The following ANKRD18B variants were observed in gnomAD, a reference collection of about 807,000 sequenced individuals.
The protein encoded by ANKRD18B is ankyrin repeat domain-containing protein 18B.
Under a neutral mutation model 111.8 loss-of-function variants are expected in ANKRD18B, and 75 were observed. That is an observed-to-expected ratio of 0.67 (90% CI 0.56 to 0.81). The LOEUF (loss-of-function observed/expected upper bound fraction) is 0.81, where lower values mean the gene tolerates loss of function less well. Ranked by LOEUF, ANKRD18B falls within the 40% of genes least tolerant of loss-of-function variation. ANKRD18B has a pLI of 0.00. For synonymous variants in ANKRD18B, 356 were observed against 417.3 expected, an observed-to-expected ratio of 0.85 and a Z score of 1.79; for missense variants, 1,038 against 1,225.5, an observed-to-expected ratio of 0.85 and a Z score of 2.28.
chr9:33,538,603 G>A (rs191030384), intron 6 of ANKRD18B, among the ~76,000 whole-genome samples: 1 of 152,010 alleles, frequency 6.6e-6, no homozygotes. Context: ...AGGCATGGGG[G>A]TGGGCACCTG....
intron 10 of ANKRD18B, among the ~76,000 whole-genome samples, chr9:33,544,539 T>A (rs1828327927): frequency 6.6e-6 from 1 of 152,120 alleles, no homozygotes; most frequent in Non-Finnish European, 1.5e-5. Flanking sequence ...CAGGACTTCC[T>A]TTAAAATTCA....
At chr9:33,530,464 C>T (rs1178115261) in intron 3 of ANKRD18B, among the ~76,000 whole-genome samples, 22 of 143,630 alleles carry the variant, frequency 1.5e-4, no homozygotes, top group South Asian at 4.5e-4. Flanking sequence ...CTGGCTAACA[C>T]GGTGAAACCC....
intron 3 of ANKRD18B, among the ~76,000 whole-genome samples, chr9:33,530,484 TA>T (rs940062617): frequency 2.1e-5 from 2 of 97,114 alleles, no homozygotes; most frequent in African/African-American, 8.2e-5. Flanking sequence ...CCGTCTCTAC[TA>T]AAAATACATA....
intron 14 of ANKRD18B, among the ~76,000 whole-genome samples, chr9:33,561,293 A>G (rs1828603088): frequency 6.6e-6 from 1 of 152,236 alleles, no homozygotes; most frequent in African/African-American, 2.4e-5. Context: ...GACTAATTAC[A>G]TTAAGCATCT....
intron 3 of ANKRD18B, among the ~76,000 whole-genome samples, chr9:33,532,365 G>C (rs1220195515): frequency 6.6e-6 from 1 of 151,986 alleles, no homozygotes; most frequent in Non-Finnish European, 1.5e-5. Context: ...TTTGCCTAAA[G>C]TAAAAAAATA....
intron 15 of ANKRD18B, 142 bp downstream of exon 15, chr9:33,566,642 C>G (rs41316001): frequency 7.2e-6 from 7 of 976,426 alleles, no homozygotes; most frequent in Non-Finnish European, 1.0e-5. Context: ...AAAAAAGTGA[C>G]GTTTTTTCCT....
Position 33,548,536 on chromosome 9 carries a change from A to G in ANKRD18B, c.1748A>G (p.Lys583Arg), listed in dbSNP as rs1303875742. Residue 583 changes from lysine (K) to arginine (R), a missense_variant, in exon 11 of 19, where the codon AAG becomes AGG. Lys to Arg is a conservative substitution (Grantham distance 26). Around this residue, in one of 4 missense-constraint regions of ANKRD18B, gnomAD observed 524 missense variants for 677.9 expected, o/e 0.77. Coordinates refer to ENST00000684830, the MANE Select transcript of ANKRD18B (RefSeq NM_001393611.1). ...TTAGAAAGTGTACAGCTGGACCTAAAGCAAGCGCAGCATCGAATAAAGGAA... is the reference window on the plus strand; with the variant it reads ...TTAGAAAGTGTACAGCTGGACCTAAGGCAAGCGCAGCATCGAATAAAGGAA... ...LALESVQLDL[K>R]QAQHRIKEMK... 7.7e-6 allele frequency: 12 copies of G among 1,550,918 alleles called. No homozygotes were observed. The highest frequency in any genetic ancestry group is 1.0e-5 in the Non-Finnish European group (12 of 1,146,586).
intron 9 of ANKRD18B, among the ~76,000 whole-genome samples, chr9:33,541,529 G>A (rs754462829): frequency 9.2e-5 from 14 of 152,114 alleles, no homozygotes; most frequent in Non-Finnish European, 1.6e-4. Context: ...GCCAGACCTC[G>A]TGACTATTTT....
chr9:33,570,064 G>A (rs913058344), intron 17 of ANKRD18B, among the ~76,000 whole-genome samples: 24 of 152,218 alleles, frequency 1.6e-4, no homozygotes, highest in African/African-American at 5.8e-4. Context: ...ACCCAAGGTA[G>A]ATTGAAAATC....
At position 33,572,369 on chromosome 9, in the gene ANKRD18B, G is replaced by A; in HGVS notation, c.3277G>A (p.Gly1093Ser). The change falls in exon 19 of 19, where the codon GGT becomes AGT. Residue 1093 changes from glycine (G) to serine (S), a missense_variant. Physicochemically the swap from Gly to Ser is moderately conservative, Grantham distance 56 (BLOSUM62 0). This residue lies in a region of ANKRD18B where 524 missense variants were observed against 677.9 expected (regional missense o/e 0.77). Coordinates refer to ENST00000684830, the MANE Select transcript of ANKRD18B (RefSeq NM_001393611.1). The part of the protein sequence containing the change: ...SYLLSSLEST[G>S]KPHLMKRIFN... ...TCTACTTTCTTCTCTAGAATCCACT[G>A]GTAAGCCACATCTAATGAAGAGAAT... The A allele has an allele frequency of 1.9e-6, 3 of 1,609,974 alleles. No homozygotes were observed. The highest frequency in any genetic ancestry group is 4.5e-5 in the East Asian group (2 of 44,828).
At chr9:33,526,535 T>A (rs1176783792) in intron 1 of ANKRD18B, among the ~76,000 whole-genome samples, 1 of 152,294 alleles carries the variant, frequency 6.6e-6, no homozygotes, top group East Asian at 1.9e-4. Context: ...TACCTTTGAT[T>A]TCTGAAGTGA....
downstream of ANKRD18B, among the ~76,000 whole-genome samples, chr9:33,573,744 A>C: frequency 1.4e-5 from 2 of 144,862 alleles, 1 homozygote; most frequent in Non-Finnish European, 3.1e-5. Flanking sequence ...GACTTTGAAC[A>C]CAGCTGCTCA....
downstream of ANKRD18B, among the ~76,000 whole-genome samples, chr9:33,574,150 G>C (rs1828824853): frequency 1.6e-5 from 2 of 127,960 alleles, no homozygotes; most frequent in African/African-American, 5.0e-5. Flanking sequence ...TTGTGGTCTT[G>C]TCAGTGGGAA....
chr9:33,568,181 A>G (rs1467895502), intron 16 of ANKRD18B, among the ~76,000 whole-genome samples: 5 of 152,264 alleles, frequency 3.3e-5, no homozygotes, highest in Non-Finnish European at 7.3e-5. Context: ...AAGTATTTCT[A>G]GATTATTTTT....
At chr9:33,546,737 G>T (rs994531800) in intron 10 of ANKRD18B, among the ~76,000 whole-genome samples, 1 of 152,110 alleles carries the variant, frequency 6.6e-6, no homozygotes, top group Non-Finnish European at 1.5e-5. Flanking sequence ...GCCACGAAAT[G>T]CTAGGCAATG....
At chr9:33,543,655 A>G (rs1169644155) in intron 10 of ANKRD18B, among the ~76,000 whole-genome samples, 4 of 152,152 alleles carry the variant, frequency 2.6e-5, no homozygotes, top group Non-Finnish European at 5.9e-5. Context: ...TCAAACTGCA[A>G]TTTTATGTTG....
At chr9:33,538,906 T>A (rs1475664029) in intron 6 of ANKRD18B, among the ~76,000 whole-genome samples, 1 of 152,176 alleles carries the variant, frequency 6.6e-6, no homozygotes, top group South Asian at 2.1e-4. Flanking sequence ...ACCGTTAATT[T>A]AGTACATAAT....
intron 6 of ANKRD18B, among the ~76,000 whole-genome samples, chr9:33,537,264 T>A (rs533769283): frequency 2.0e-5 from 3 of 152,100 alleles, no homozygotes; most frequent in African/African-American, 7.2e-5. Flanking sequence ...ACCACTGCAC[T>A]CCAGCCTGGA....
intron 1 of ANKRD18B, among the ~76,000 whole-genome samples, chr9:33,527,817 C>T (rs772995384): frequency 1.3e-5 from 2 of 152,064 alleles, no homozygotes; most frequent in African/African-American, 4.8e-5. Flanking sequence ...TGATATCCTA[C>T]TATTTTCTAC....
Sources: allele counts gnomAD v4.1 joint callset (sites outside exome capture counted in the v4.1 genomes callset), GRCh38; gene constraint gnomAD v4.1.1; regional missense constraint gnomAD v4.1.1; transcripts MANE v1.5; gene names NCBI Gene and HGNC (gene_info 2026-07-23, HGNC 2026-07-21).